Variants in AACS observed in about 807,000 individuals in gnomAD.
AACS encodes acetoacetate-CoA ligase.
AACS carries 69 observed loss-of-function variants against 83.1 expected under a neutral mutation model. The observed-to-expected ratio is 0.83, with a 90% confidence interval of 0.68 to 1.01. The LOEUF is 1.01. AACS is among the 50% of genes least tolerant of loss of function. The pLI is 0.00. For missense variants in AACS, 866 were observed against 882.2 expected (o/e 0.98, Z 0.23); for synonymous variants, 333 against 343.4 (o/e 0.97, Z 0.33).
intron 3 of AACS, among the ~76,000 whole-genome samples, chr12:125,085,233 C>T (rs1956303719): frequency 6.6e-6 from 1 of 152,242 alleles, no homozygotes; most frequent in Admixed American, 6.5e-5. Flanking sequence ...ATGTCTATTT[C>T]CTGGAACCAC....
At chr12:125,088,898 G>T (rs2136070655) in intron 4 of AACS, among the ~76,000 whole-genome samples, 1 of 152,326 alleles carries the variant, frequency 6.6e-6, no homozygotes, top group East Asian at 1.9e-4. Context: ...GGGACTTTGA[G>T]TTTTCCAGAA....
At chr12:125,122,719 G>GA (rs1957174850) in intron 10 of AACS, 1 of 151,868 alleles carries the variant, frequency 6.6e-6, no homozygotes, top group Non-Finnish European at 1.5e-5. Context: ...GGCAGAAGCT[G>GA]AGAGACTCAG....
chr12:125,119,761 C>T (rs1343904818), intron 10 of AACS: 1 of 152,050 alleles, frequency 6.6e-6, no homozygotes, highest in African/African-American at 2.4e-5. Flanking sequence ...TAAAACATAT[C>T]AGAGATGAAG....
At chr12:125,091,560 C>T (rs1956487209) in intron 5 of AACS, 37 bp downstream of exon 5, 1 of 1,599,672 alleles carries the variant, frequency 6.3e-7, no homozygotes, top group Non-Finnish European at 8.6e-7. Flanking sequence ...GCACCCCTTG[C>T]CCTGTGAGCA....
chr12:125,103,206 T>G (rs1956755433), intron 7 of AACS, 125 bp downstream of exon 7: 2 of 770,396 alleles, frequency 2.6e-6, no homozygotes. Context: ...AGGTTTTAGT[T>G]AAAAGCATCA....
At chr12:125,075,923 A>AG (rs1389488306) in intron 2 of AACS, among the ~76,000 whole-genome samples, 3 of 152,228 alleles carry the variant, frequency 2.0e-5, no homozygotes, top group African/African-American at 7.2e-5. Context: ...CCTGCAGCTT[A>AG]GAAAAAACTT....
chr12:125,103,600 G>A (rs201903526), intron 7 of AACS, among the ~76,000 whole-genome samples: 2 of 152,212 alleles, frequency 1.3e-5, no homozygotes, highest in East Asian at 1.9e-4. Flanking sequence ...TAGGACATGC[G>A]TGTGTTCCCC....
At chr12:125,112,131 C>T (rs944416538) in intron 8 of AACS, among the ~76,000 whole-genome samples, 2 of 152,184 alleles carry the variant, frequency 1.3e-5, no homozygotes, top group Admixed American at 6.5e-5. Context: ...AGATTTAGTT[C>T]ATGGAGACAG....
chr12:125,133,689 T>C (rs1326642193), intron 14 of AACS, among the ~76,000 whole-genome samples: 1 of 152,224 alleles, frequency 6.6e-6, no homozygotes, highest in East Asian at 1.9e-4. Context: ...CAGGGTTGTC[T>C]CCAGACACTC....
intron 17 of AACS, among the ~76,000 whole-genome samples, chr12:125,137,557 G>A (rs533302896): frequency 6.6e-6 from 1 of 152,330 alleles, no homozygotes; most frequent in East Asian, 1.9e-4. Context: ...GTACAGACAA[G>A]ACTTGACTCT....
At position 125,073,733 on chromosome 12, in the gene AACS, A is replaced by G. The variant is rs183624593; in HGVS notation, c.134-143A>G. ...TGTTGGGTTTGCGTCAATACAAATTAAGCTCCTTCCTCCCCCAGACCATTT... is the reference window on the plus strand; with the variant it reads ...TGTTGGGTTTGCGTCAATACAAATTGAGCTCCTTCCTCCCCCAGACCATTT... On this transcript the variant is annotated intron_variant, in intron 1 of 17. Transcript: ENST00000316519. The G allele has an allele frequency of 1.3e-5, 8 of 625,506 alleles. No individual in the cohort carries two copies. The East Asian group carries it at 2.3e-4, about 18-fold the overall frequency. 38.7% of individuals were successfully genotyped at this position (625,506 alleles called of 1,614,324 possible). A position where few individuals can be genotyped will look rare whatever the true frequency, so the allele number is the denominator to read the frequency against.
chr12:125,116,498 C>T (rs1220826210), intron 9 of AACS, among the ~76,000 whole-genome samples: 1 of 152,148 alleles, frequency 6.6e-6, no homozygotes, highest in Non-Finnish European at 1.5e-5. Context: ...GAGGCTCACT[C>T]TGTCACCCAG....
Position 125,143,205 on chromosome 12 carries a change from C to A in AACS, c.*976C>A, listed in dbSNP as rs1382379752. 1 of 152,218 alleles carries A rather than the reference C, an allele frequency of 6.6e-6. No individual in the cohort carries two copies. Among genetic ancestry groups the A allele is most frequent in the Non-Finnish European group, 1.5e-5 (1 of 68,040 alleles). 9.4% of individuals were successfully genotyped at this position (152,218 alleles called of 1,614,324 possible). The stretch of plus-strand genomic sequence containing the variant: ...ATGTCCATTTTTATATTTTTTGAAA[C>A]TGAGCACAATGAAATCCTTTCTTGA... On this transcript the variant is annotated 3_prime_UTR_variant, in exon 18 of 18. Transcript: ENST00000316519.
chr12:125,126,551 A>G (rs1957247724), intron 12 of AACS: 1 of 148,976 alleles, frequency 6.7e-6, no homozygotes, highest in African/African-American at 2.5e-5. Flanking sequence ...AGTTGATTCC[A>G]TTGCTGCCCA....
At chr12:125,089,749 C>T (rs1334798266) in intron 4 of AACS, among the ~76,000 whole-genome samples, 1 of 151,564 alleles carries the variant, frequency 6.6e-6, no homozygotes, top group Non-Finnish European at 1.5e-5. Context: ...ACCTACCCAT[C>T]CATCCGTCAT....
intron 1 of AACS, among the ~76,000 whole-genome samples, chr12:125,070,390 T>G (rs888577012): frequency 6.6e-6 from 1 of 152,280 alleles, no homozygotes; most frequent in East Asian, 1.9e-4. Flanking sequence ...TCTCAGCTAC[T>G]TGGGCAGCAG....
At chr12:125,087,951 G>T (rs1336136399) in intron 4 of AACS, among the ~76,000 whole-genome samples, 1 of 152,176 alleles carries the variant, frequency 6.6e-6, no homozygotes, top group Non-Finnish European at 1.5e-5. Flanking sequence ...ACCCTGGCTT[G>T]TCGGGGTTGC....
At chr12:125,100,703 C>T (rs1261823239) in intron 5 of AACS, among the ~76,000 whole-genome samples, 1 of 152,158 alleles carries the variant, frequency 6.6e-6, no homozygotes, top group Non-Finnish European at 1.5e-5. Context: ...GGGTCTCCTG[C>T]AGAGTGTCCG....
At chr12:125,123,017 T>A (rs1208204790) in intron 10 of AACS, 1 of 152,260 alleles carries the variant, frequency 6.6e-6, no homozygotes, top group Admixed American at 6.5e-5. Context: ...CTTTGCCGTT[T>A]CTTCAGACAA....
Sources: gnomAD v4.1 joint callset for allele counts (sites outside exome capture counted in the v4.1 genomes callset) on GRCh38, gnomAD v4.1.1 for gene constraint, MANE v1.5 for transcripts, NCBI Gene and HGNC (gene_info 2026-07-23, HGNC 2026-07-21) for gene names.